ADCY1: variants seen among roughly 807,000 people sequenced by gnomAD.
The protein encoded by ADCY1 is adenylate cyclase 1.
Under a neutral mutation model 105.4 loss-of-function variants are expected in ADCY1, and 28 were observed. The observed-to-expected ratio is 0.27, with a 90% confidence interval of 0.20 to 0.36. The LOEUF (loss-of-function observed/expected upper bound fraction) is 0.36, where lower values mean the gene tolerates loss of function less well. Ranked by LOEUF, ADCY1 falls within the 10% of genes least tolerant of loss-of-function variation. ADCY1 has a pLI of 1.00. For missense variants in ADCY1, 977 were observed against 1,434.2 expected, an observed-to-expected ratio of 0.68 and a Z score of 5.15; for synonymous variants, 655 against 623.8, an observed-to-expected ratio of 1.05 and a Z score of -0.75.
intron 2 of ADCY1, among the ~76,000 whole-genome samples, chr7:45,599,133 G>A (rs991646862): frequency 2.8e-4 from 42 of 152,250 alleles, no homozygotes; most frequent in Admixed American, 1.8e-3. Flanking sequence ...TGAGGTCCAG[G>A]GTGTTTGTGG....
At position 45,639,165 on chromosome 7, in the gene ADCY1, A is replaced by C. The variant is rs139459056; in HGVS notation, c.1021-9505A>C. On this transcript the variant is annotated intron_variant, in intron 4 of 19. Transcript: ENST00000297323. ...AACAAACACAGAACATGTTTGCCTT[A>C]GTCTCGATAGTAGCTGATGGTTTAT... Among the ~76,000 whole-genome samples, 370 of 152,350 alleles carry C rather than the reference A, an allele frequency of 2.4e-3. 2 individuals are homozygous for C. The highest frequency in any genetic ancestry group is 8.2e-3 in the African/African-American group (342 of 41,580).
chr7:45,597,032 C>T (rs1013856220), intron 2 of ADCY1, among the ~76,000 whole-genome samples: 6 of 152,286 alleles, frequency 3.9e-5, no homozygotes, highest in East Asian at 3.9e-4. Context: ...GCTCAGTTCA[C>T]AAAATAGGAG....
intron 4 of ADCY1, among the ~76,000 whole-genome samples, chr7:45,635,661 C>T (rs59806147): frequency 0.028 from 2,220 of 79,582 alleles, 48 homozygotes; most frequent in African/African-American, 0.079. Context: ...AGATGTGATT[C>T]AGGGATATTT....
At chr7:45,620,922 C>T (rs559206337) in intron 3 of ADCY1, among the ~76,000 whole-genome samples, 6 of 152,306 alleles carry the variant, frequency 3.9e-5, no homozygotes, top group East Asian at 1.9e-4. Context: ...TCAGGACCCC[C>T]GTGACCAATC....
At chr7:45,596,529 G>T (rs1793078532) in intron 2 of ADCY1, among the ~76,000 whole-genome samples, 1 of 152,182 alleles carries the variant, frequency 6.6e-6, no homozygotes, top group Non-Finnish European at 1.5e-5. Context: ...GGGATCTAGA[G>T]GGGACACAAC....
Position 45,625,503 on chromosome 7 carries a change from ATG to A in ADCY1, c.1020+2765_1020+2766del, listed in dbSNP as rs200903885. On this transcript the variant is annotated intron_variant, in intron 4 of 19. Coordinates refer to ENST00000297323, the MANE Select transcript of ADCY1 (RefSeq NM_021116.4). ...CATGTGCACACGTGTGTACACATGA[ATG>A]TGTGAACATGGGTGTGCATGTGTGG... Among the ~76,000 whole-genome samples, 391 of 152,056 alleles carry A rather than the reference ATG, an allele frequency of 2.6e-3. 2 individuals are homozygous for A. The highest frequency in any genetic ancestry group is 8.9e-3 in the African/African-American group (368 of 41,454).
chr7:45,616,007 A>T lies in ADCY1; in HGVS notation c.908+5510A>T, dbSNP rs76554313. Among the ~76,000 whole-genome samples, 1,222 of 152,308 alleles carry T rather than the reference A, an allele frequency of 8.0e-3. 70 individuals are homozygous for T. The East Asian group carries it at 0.13, about 16-fold the overall frequency. On this transcript the variant is annotated intron_variant, in intron 3 of 19. Transcript: ENST00000297323. ...AATAAAATTGTAAATGAAAGAAGAGATATTATAACTGAGGCCACAAAAATG... is the reference window on the plus strand; with the variant it reads ...AATAAAATTGTAAATGAAAGAAGAGTTATTATAACTGAGGCCACAAAAATG...
At chr7:45,672,026 A>C (rs557741531) in intron 8 of ADCY1, among the ~76,000 whole-genome samples, 1 of 152,316 alleles carries the variant, frequency 6.6e-6, no homozygotes, top group South Asian at 2.1e-4. Context: ...ACATAGCCCA[A>C]GTCCCCAAAT....
At position 45,716,324 on chromosome 7, in the gene ADCY1, A is replaced by G. The variant is rs1785356974; in HGVS notation, c.*2329A>G. 6.5e-6 allele frequency: 1 copy of G among 153,292 alleles called. No homozygotes were observed. The highest frequency in any genetic ancestry group is 2.4e-5 in the African/African-American group (1 of 41,460). 9.5% of individuals were successfully genotyped at this position (153,292 alleles called of 1,614,324 possible). A position where few individuals can be genotyped will look rare whatever the true frequency, so the allele number is the denominator to read the frequency against. ...AGATCCTGGCTGGGGCCCTGCTGTC[A>G]ACCTCTCCTCCAGGCCCTGCCTTGT... On this transcript the variant is annotated 3_prime_UTR_variant, in exon 20 of 20. Transcript: ENST00000297323.
intron 1 of ADCY1, among the ~76,000 whole-genome samples, chr7:45,580,533 A>G (rs1189103415): frequency 6.6e-6 from 1 of 152,230 alleles, no homozygotes; most frequent in East Asian, 1.9e-4. Flanking sequence ...ACCCTGGTCA[A>G]TAACTCACAC....
At chr7:45,585,133 T>G (rs1792677462) in intron 1 of ADCY1, among the ~76,000 whole-genome samples, 2 of 152,252 alleles carry the variant, frequency 1.3e-5, no homozygotes. Context: ...TAGCCTCTTC[T>G]TAAGAGAATG....
At chr7:45,629,488 A>G (rs960464494) in intron 4 of ADCY1, among the ~76,000 whole-genome samples, 1 of 152,080 alleles carries the variant, frequency 6.6e-6, no homozygotes, top group Non-Finnish European at 1.5e-5. Flanking sequence ...TGGCTAAAAA[A>G]CATGGCAGAT....
intron 8 of ADCY1, among the ~76,000 whole-genome samples, chr7:45,666,759 TC>T (rs1379100493): frequency 6.6e-6 from 1 of 152,238 alleles, no homozygotes; most frequent in African/African-American, 2.4e-5. Context: ...GTAAAAGTGT[TC>T]CTATTTCTCC....
At chr7:45,683,699 A>C (rs909813929) in intron 11 of ADCY1, among the ~76,000 whole-genome samples, 5 of 152,128 alleles carry the variant, frequency 3.3e-5, no homozygotes, top group African/African-American at 9.7e-5. Flanking sequence ...ACCCAGCTTT[A>C]TGGCTTGGTG....
chr7:45,713,271 G>A (rs1466917044), intron 19 of ADCY1, among the ~76,000 whole-genome samples: 1 of 152,210 alleles, frequency 6.6e-6, no homozygotes, highest in East Asian at 1.9e-4. Context: ...GGCATGGAGT[G>A]CATGGAGCCA....
rs926234262 is a variant in ADCY1, at chr7:45,717,910, G to A, written c.*3915G>A. On this transcript the variant is annotated 3_prime_UTR_variant, in exon 20 of 20. Coordinates refer to ENST00000297323, the MANE Select transcript of ADCY1 (RefSeq NM_021116.4). ...AACTCTATACTGTAGAGATGAGTCT[G>A]GTCCGAAGCAGATTAGTAATTTAGA... The A allele has an allele frequency of 6.6e-6, 1 of 152,624 alleles. No homozygotes were observed. Among genetic ancestry groups the A allele is most frequent in the African/African-American group, 2.4e-5 (1 of 41,460 alleles). 9.5% of individuals were successfully genotyped at this position (152,624 alleles called of 1,614,324 possible).
chr7:45,608,895 G>T (rs944946397), intron 2 of ADCY1, among the ~76,000 whole-genome samples: 7 of 152,020 alleles, frequency 4.6e-5, no homozygotes, highest in African/African-American at 1.4e-4. Context: ...CCTTGTTTAG[G>T]ACACACCTCC....
In ADCY1 at chr7:45,592,638, TG is replaced by T; in HGVS notation, c.640-118del. ...TCCCTGTGTCCCTGGCCCTGCGCTG[TG>T]GGTTTGGCCCGGGCGGCGTGGCTTT... On this transcript the variant is annotated intron_variant, in intron 1 of 19. Transcript: ENST00000297323. 1.5e-6 allele frequency: 2 copies of T among 1,372,054 alleles called. 1 individual carries two copies. Among genetic ancestry groups the T allele is most frequent in the South Asian group, 2.7e-5 (2 of 75,320 alleles). 85.0% of individuals were successfully genotyped at this position (1,372,054 alleles called of 1,614,324 possible). A position where few individuals can be genotyped will look rare whatever the true frequency, so the allele number is the denominator to read the frequency against.
At chr7:45,640,994 A>G (rs1180709309) in intron 4 of ADCY1, among the ~76,000 whole-genome samples, 9 of 152,206 alleles carry the variant, frequency 5.9e-5, no homozygotes, top group African/African-American at 2.2e-4. Context: ...TTTAATTGCC[A>G]AAAGATGACA....
Sources: gnomAD v4.1 joint callset for allele counts (sites outside exome capture counted in the v4.1 genomes callset) on GRCh38, gnomAD v4.1.1 for gene constraint, MANE v1.5 for transcripts, NCBI Gene and HGNC (gene_info 2026-07-23, HGNC 2026-07-21) for gene names.